TENM4: variants seen among roughly 807,000 people sequenced by gnomAD.
TENM4 encodes the protein teneurin-4.
TENM4 carries 82 observed loss-of-function variants against 243.3 expected under a neutral mutation model. The ratio of observed to expected loss-of-function variants is 0.34; its 90% CI spans 0.28 to 0.40. TENM4 has a LOEUF of 0.40. TENM4 is among the 10% of genes least tolerant of loss of function. The pLI, the probability that TENM4 is intolerant of heterozygous loss-of-function variation, is 1.00. For missense variants in TENM4, 3,138 were observed against 3,673.3 expected, an observed-to-expected ratio of 0.85 and a Z score of 3.77; for synonymous variants, 1,412 against 1,456.3, an observed-to-expected ratio of 0.97 and a Z score of 0.69.
intron 7 of TENM4, among the ~76,000 whole-genome samples, chr11:78,894,793 C>T (rs958468982): frequency 4.6e-5 from 7 of 151,086 alleles, no homozygotes; most frequent in East Asian, 3.9e-4. Context: ...AGGAGTTTGA[C>T]GCCAGCCTGG....
At chr11:79,073,958 G>A (rs999862182) in intron 4 of TENM4, among the ~76,000 whole-genome samples, 4 of 152,176 alleles carry the variant, frequency 2.6e-5, no homozygotes, top group South Asian at 4.1e-4. Flanking sequence ...GCTGAGAAAC[G>A]TTTTAGGCTG....
rs369463790 is a variant in TENM4 at position 79,103,334 on chromosome 11, T to C, written c.-65-33325A>G. ...TTGTATGATTATAGAAATAACACAT[T>C]GTTATTGCACATAATTCTGATTGCT... is the stretch of plus-strand genomic sequence containing the variant. On this transcript the variant is annotated intron_variant, in intron 4 of 33. Coordinates refer to ENST00000278550, the MANE Select transcript of TENM4 (RefSeq NM_001098816.3). 1.1e-3 allele frequency among the ~76,000 whole-genome samples: 160 copies of C among 152,284 alleles called. 4 individuals are homozygous for C. The South Asian group carries it at 0.023, about 22-fold the overall frequency.
At chr11:79,075,939 T>C (rs964053974) in intron 4 of TENM4, among the ~76,000 whole-genome samples, 3 of 152,236 alleles carry the variant, frequency 2.0e-5, no homozygotes, top group African/African-American at 7.2e-5. Flanking sequence ...AGCCCTCCAG[T>C]GACAGCTCAC....
intron 4 of TENM4, among the ~76,000 whole-genome samples, chr11:79,105,844 G>A (rs550769355): frequency 3.9e-5 from 6 of 152,334 alleles, no homozygotes; most frequent in South Asian, 2.1e-4. Context: ...AGCTTATGCC[G>A]GGTGAACTCT....
At chr11:78,981,898 T>G (rs566982499) in intron 6 of TENM4, among the ~76,000 whole-genome samples, 1 of 152,192 alleles carries the variant, frequency 6.6e-6, no homozygotes, top group Non-Finnish European at 1.5e-5. Context: ...CTCATGGAGT[T>G]GCCAGCAACA....
chr11:79,052,683 C>T (rs896418079), intron 6 of TENM4, among the ~76,000 whole-genome samples: 3 of 152,202 alleles, frequency 2.0e-5, no homozygotes, highest in Non-Finnish European at 4.4e-5. Context: ...TCCATCACAG[C>T]TTATGCACCC....
intron 3 of TENM4, among the ~76,000 whole-genome samples, chr11:79,167,121 C>A (rs866838678): frequency 1.4e-5 from 2 of 145,608 alleles, no homozygotes; most frequent in Non-Finnish European, 3.1e-5. Flanking sequence ...CAGGCCGGCA[C>A]GGCAGTTCTA....
intron 2 of TENM4, among the ~76,000 whole-genome samples, chr11:79,290,720 C>T (rs2135380990): frequency 6.6e-6 from 1 of 152,220 alleles, no homozygotes; most frequent in South Asian, 2.1e-4. Flanking sequence ...TGTCTTCTTC[C>T]TCTTTGGACC....
intron 1 of TENM4, among the ~76,000 whole-genome samples, chr11:79,360,513 G>A (rs1319913477): frequency 6.6e-6 from 1 of 152,136 alleles, no homozygotes; most frequent in Non-Finnish European, 1.5e-5. Flanking sequence ...CACGCAAGAT[G>A]GTGCTGCACC....
Position 78,658,507 on chromosome 11 carries a change from T to C in TENM4, c.7861A>G (p.Lys2621Glu), listed in dbSNP as rs1237820310. 6.2e-7 allele frequency: 1 copy of C among 1,614,048 alleles called. No homozygotes were observed. The highest frequency in any genetic ancestry group is 1.7e-5 in the Admixed American group (1 of 60,034). ...AGGTCACCTTCTGAAGGTCCTGGTT[T>C]CACAAAGTAATGGGTATCCACCCCA... ...IDGVDTHYFVKPGPSEGDLAI... is the reference protein window; with the variant it reads ...IDGVDTHYFVEPGPSEGDLAI... The change falls in exon 34 of 34, where the codon AAA becomes GAA. Residue 2621 changes from lysine to glutamate, a missense_variant. Transcript: ENST00000278550.
intron 3 of TENM4, among the ~76,000 whole-genome samples, chr11:79,159,017 G>A (rs531533256): frequency 6.6e-6 from 1 of 152,314 alleles, no homozygotes; most frequent in South Asian, 2.1e-4. Context: ...CTTATAGAGA[G>A]GTTGAAGTGA....
chr11:78,937,721 GA>G (rs574510048), intron 6 of TENM4, among the ~76,000 whole-genome samples: 1 of 152,288 alleles, frequency 6.6e-6, no homozygotes, highest in Non-Finnish European at 1.5e-5. Flanking sequence ...GGCCTTCTAA[GA>G]AATCAGGAGA....
chr11:79,292,196 A>T (rs556528588), intron 2 of TENM4, among the ~76,000 whole-genome samples: 3 of 152,278 alleles, frequency 2.0e-5, no homozygotes, highest in Admixed American at 2.0e-4. Flanking sequence ...ACGGTCCATG[A>T]GGTCTTGGGG....
chr11:78,785,921 G>C (rs974877460), intron 16 of TENM4, among the ~76,000 whole-genome samples: 1 of 151,730 alleles, frequency 6.6e-6, no homozygotes, highest in African/African-American at 2.4e-5. Context: ...AAGGTACCTG[G>C]AATCCTGCCT....
chr11:79,331,342 C>T (rs1173732593), intron 1 of TENM4, among the ~76,000 whole-genome samples: 5 of 152,122 alleles, frequency 3.3e-5, no homozygotes, highest in Non-Finnish European at 7.3e-5. Flanking sequence ...TCCCACTGCT[C>T]ACAGCTGTGT....
At chr11:78,944,138 A>G (rs937447460) in intron 6 of TENM4, among the ~76,000 whole-genome samples, 2 of 152,206 alleles carry the variant, frequency 1.3e-5, no homozygotes, top group African/African-American at 4.8e-5. Flanking sequence ...TGTCATCACT[A>G]GTGAGAGGCA....
At chr11:79,342,771 C>T (rs1857262247) in intron 1 of TENM4, among the ~76,000 whole-genome samples, 1 of 152,106 alleles carries the variant, frequency 6.6e-6, no homozygotes, top group Non-Finnish European at 1.5e-5. Flanking sequence ...TAAGCCTCAG[C>T]TCCAGGGCCA....
At chr11:78,694,425 C>T (rs1186762587) in intron 28 of TENM4, among the ~76,000 whole-genome samples, 1 of 152,196 alleles carries the variant, frequency 6.6e-6, no homozygotes, top group Non-Finnish European at 1.5e-5. Flanking sequence ...CACTTTGTGG[C>T]TTCTGCATTA....
chr11:79,343,477 A>C (rs1211253820), intron 1 of TENM4, among the ~76,000 whole-genome samples: 1 of 152,154 alleles, frequency 6.6e-6, no homozygotes, highest in Non-Finnish European at 1.5e-5. Context: ...GACAAAAAAA[A>C]TCCCTCCTTC....
Sources: allele counts gnomAD v4.1 joint callset (sites outside exome capture counted in the v4.1 genomes callset), GRCh38; gene constraint gnomAD v4.1.1; transcripts MANE v1.5; gene names NCBI Gene and HGNC (gene_info 2026-07-23, HGNC 2026-07-21).